Variants in CLASP2 observed in about 807,000 individuals in gnomAD.
CLASP2 encodes the protein CLIP-associating protein 2.
A neutral mutation model predicts 194.4 loss-of-function variants in CLASP2; 47 were observed. The observed-to-expected ratio is 0.24, with a 90% confidence interval of 0.19 to 0.31. The LOEUF is 0.31. Ranked by LOEUF, CLASP2 falls within the 10% of genes least tolerant of loss-of-function variation. CLASP2 has a pLI of 1.00. For synonymous variants in CLASP2, 619 were observed against 633.5 expected, an observed-to-expected ratio of 0.98 and a Z score of 0.34; for missense variants, 1,445 against 1,823.6, an observed-to-expected ratio of 0.79 and a Z score of 3.78.
In CLASP2 at chr3:33,718,176, C is replaced by G. The variant is rs1046793403; in HGVS notation, c.-174G>C. 3.0e-5 allele frequency: 14 copies of G among 469,628 alleles called. No homozygotes were observed. Among genetic ancestry groups the G allele is most frequent in the Admixed American group, 8.9e-5 (2 of 22,350 alleles). 29.1% of individuals were successfully genotyped at this position (469,628 alleles called of 1,614,324 possible). ...GGAACGCCAAGCGCCCAGCCGCCCC[C>G]AAACTAGTCAAACTCGGCGCCCCCC... On this transcript the variant is annotated 5_prime_UTR_variant, in exon 1 of 39. Transcript: ENST00000682230.
intron 32 of CLASP2, among the ~76,000 whole-genome samples, chr3:33,539,350 T>G (rs973269866): frequency 5.3e-5 from 8 of 152,202 alleles, no homozygotes; most frequent in African/African-American, 1.2e-4. Context: ...TCTTTTTTTT[T>G]GGAGACGAAA....
At chr3:33,654,260 G>C (rs1239173338) in intron 7 of CLASP2, among the ~76,000 whole-genome samples, 1 of 152,152 alleles carries the variant, frequency 6.6e-6, no homozygotes, top group African/African-American at 2.4e-5. Flanking sequence ...CTGATTCAGG[G>C]AACACAACAT....
chr3:33,681,216 G>A (rs2089799448), intron 6 of CLASP2, among the ~76,000 whole-genome samples: 1 of 151,734 alleles, frequency 6.6e-6, no homozygotes, highest in African/African-American at 2.4e-5. Context: ...AAATACATAT[G>A]TTAACATCAC....
At chr3:33,582,911 G>T (rs1248845145) in intron 22 of CLASP2, among the ~76,000 whole-genome samples, 1 of 152,020 alleles carries the variant, frequency 6.6e-6, no homozygotes, top group African/African-American at 2.4e-5. Flanking sequence ...AAAGCGCTAG[G>T]AACAGTAATT....
At chr3:33,711,763 CA>C (rs1263248892) in intron 1 of CLASP2, among the ~76,000 whole-genome samples, 1 of 151,924 alleles carries the variant, frequency 6.6e-6, no homozygotes, top group Non-Finnish European at 1.5e-5. Context: ...GGCCAACAAA[CA>C]TATGAAAAAA....
intron 34 of CLASP2, among the ~76,000 whole-genome samples, chr3:33,530,962 C>T (rs2056149612): frequency 6.6e-6 from 1 of 152,114 alleles, no homozygotes; most frequent in Non-Finnish European, 1.5e-5. Context: ...ACACTTTTTA[C>T]AGAAATAGAA....
intron 7 of CLASP2, among the ~76,000 whole-genome samples, chr3:33,654,497 C>T (rs923207745): frequency 6.6e-6 from 1 of 152,048 alleles, no homozygotes; most frequent in Non-Finnish European, 1.5e-5. Context: ...GACAGAGGAT[C>T]AACCCAGGAA....
At chr3:33,602,651 T>C (rs772088056) in intron 18 of CLASP2, 42 of 715,686 alleles carry the variant, frequency 5.9e-5, no homozygotes, top group Non-Finnish European at 1.0e-4. Context: ...GCCAATTCCC[T>C]TCCCAAACCC....
intron 7 of CLASP2, among the ~76,000 whole-genome samples, chr3:33,655,286 C>T (rs528951320): frequency 1.3e-5 from 2 of 152,116 alleles, no homozygotes; most frequent in Non-Finnish European, 2.9e-5. Flanking sequence ...TGCCCAACCC[C>T]CTGCACCCGT....
At chr3:33,679,126 A>T (rs530768796) in intron 6 of CLASP2, among the ~76,000 whole-genome samples, 1 of 152,200 alleles carries the variant, frequency 6.6e-6, no homozygotes, top group African/African-American at 2.4e-5. Flanking sequence ...GACAAAGTCA[A>T]TATAAAGAAT....
chr3:33,549,354 T>A (rs1486646653), intron 30 of CLASP2, among the ~76,000 whole-genome samples: 2 of 152,216 alleles, frequency 1.3e-5, no homozygotes, highest in Non-Finnish European at 2.9e-5. Flanking sequence ...TTGTAGGCAT[T>A]AACAGCTATA....
intron 29 of CLASP2, among the ~76,000 whole-genome samples, chr3:33,553,227 A>C (rs754151367): frequency 2.0e-5 from 3 of 152,130 alleles, no homozygotes; most frequent in Admixed American, 2.0e-4. Context: ...ACACTTGTAC[A>C]TTTTTCCCTT....
intron 1 of CLASP2, among the ~76,000 whole-genome samples, chr3:33,714,082 T>C (rs1316295883): frequency 2.6e-5 from 4 of 152,196 alleles, no homozygotes; most frequent in Non-Finnish European, 5.9e-5. Context: ...AAAATAATAG[T>C]ATGCTGGTTT....
At chr3:33,499,317 A>C (rs1335058670) in intron 38 of CLASP2, among the ~76,000 whole-genome samples, 1 of 150,994 alleles carries the variant, frequency 6.6e-6, no homozygotes, top group Non-Finnish European at 1.5e-5. Context: ...TGAGTCAATT[A>C]AATCTCTTTA....
intron 12 of CLASP2, among the ~76,000 whole-genome samples, chr3:33,615,215 T>C (rs2075897803): frequency 1.3e-5 from 2 of 151,782 alleles, no homozygotes; most frequent in Admixed American, 1.3e-4. Flanking sequence ...AGTAAAAAAC[T>C]ACAGTTAATT....
rs561660556 is a variant in CLASP2, at chr3:33,588,221, G to A, written c.2069-3301C>T. Reference sequence around the variant, plus strand: ...ATTCTAGTACCTATGACCCACTTTGGAATTATTCATACTTGGAAAAAAATA... The same window carrying A: ...ATTCTAGTACCTATGACCCACTTTGAAATTATTCATACTTGGAAAAAAATA... On this transcript the variant is annotated intron_variant, in intron 21 of 38. Coordinates refer to ENST00000682230, the MANE Select transcript of CLASP2 (RefSeq NM_001365631.1). Among the ~76,000 whole-genome samples the A allele has an allele frequency of 5.9e-5, 9 of 151,892 alleles. No homozygotes were observed. The East Asian group carries it at 1.7e-3, about 29-fold the overall frequency.
At chr3:33,703,598 T>C (rs1354857828) in intron 1 of CLASP2, among the ~76,000 whole-genome samples, 1 of 152,252 alleles carries the variant, frequency 6.6e-6, no homozygotes, top group African/African-American at 2.4e-5. Flanking sequence ...CCTTGGTATT[T>C]AGCCAAAGGA....
intron 29 of CLASP2, among the ~76,000 whole-genome samples, chr3:33,556,019 A>T (rs1260259008): frequency 6.6e-6 from 1 of 152,230 alleles, no homozygotes; most frequent in African/African-American, 2.4e-5. Context: ...TCTTTTTCAG[A>T]GAAGGAAAAA....
At chr3:33,700,658 C>G (rs1421736320) in intron 1 of CLASP2, among the ~76,000 whole-genome samples, 2 of 151,894 alleles carry the variant, frequency 1.3e-5, no homozygotes, top group South Asian at 2.1e-4. Flanking sequence ...CCAGCCCAAC[C>G]AACATGGTAA....
Sources: allele counts gnomAD v4.1 joint callset (sites outside exome capture counted in the v4.1 genomes callset), GRCh38; gene constraint gnomAD v4.1.1; transcripts MANE v1.5; gene names NCBI Gene and HGNC (gene_info 2026-07-23, HGNC 2026-07-21).